Variants in CDH12 observed in about 807,000 individuals in gnomAD.
CDH12 encodes the protein cadherin-12.
Under a neutral mutation model 74.1 loss-of-function variants are expected in CDH12, and 41 were observed. That is an observed-to-expected ratio of 0.55 (90% confidence interval 0.43 to 0.72). The LOEUF (loss-of-function observed/expected upper bound fraction) is 0.72, where lower values mean the gene tolerates loss of function less well. Ranked by LOEUF, CDH12 falls within the 30% of genes least tolerant of loss-of-function variation. The pLI is 0.00. For synonymous variants in CDH12, 399 were observed against 355.0 expected (o/e 1.12, Z -1.39); for missense variants, 945 against 977.2 (o/e 0.97, Z 0.44).
At chr5:22,760,703 A>G (rs1286973112) in intron 1 of CDH12, among the ~76,000 whole-genome samples, 1 of 143,172 alleles carries the variant, frequency 7.0e-6, no homozygotes, top group Admixed American at 6.9e-5. Context: ...AAAAAAAACA[A>G]AAAAAAAAAG....
chr5:22,804,692 A>G (rs960565454), intron 1 of CDH12, among the ~76,000 whole-genome samples: 16 of 152,208 alleles, frequency 1.1e-4, no homozygotes, highest in Non-Finnish European at 1.5e-5. Flanking sequence ...AACTGATTGT[A>G]TATCTTAACC....
At chr5:21,922,024 A>G (rs1754376508) in intron 6 of CDH12, among the ~76,000 whole-genome samples, 1 of 152,134 alleles carries the variant, frequency 6.6e-6, no homozygotes, top group African/African-American at 2.4e-5. Flanking sequence ...TTCTTTTACC[A>G]TGGGGGTGTC....
intron 4 of CDH12, among the ~76,000 whole-genome samples, chr5:22,162,874 C>T (rs12519605): frequency 0.31 from 44,026 of 143,620 alleles, 6,967 homozygotes; most frequent in South Asian, 0.39. Context: ...TTTGTTGGTT[C>T]TTTCTCTTCC....
At chr5:21,986,664 T>C (rs568063325) in intron 5 of CDH12, among the ~76,000 whole-genome samples, 2 of 152,296 alleles carry the variant, frequency 1.3e-5, no homozygotes, top group South Asian at 4.1e-4. Context: ...GTAAATTTGA[T>C]GTATCATTTC....
intron 8 of CDH12, among the ~76,000 whole-genome samples, chr5:21,839,744 C>T (rs1392092031): frequency 6.6e-6 from 1 of 152,076 alleles, no homozygotes; most frequent in African/African-American, 2.4e-5. Flanking sequence ...AGAGAAAAAA[C>T]TGTGTTTTTT....
At chr5:21,785,686 G>A (rs923508753) in intron 10 of CDH12, among the ~76,000 whole-genome samples, 1 of 152,186 alleles carries the variant, frequency 6.6e-6, no homozygotes, top group African/African-American at 2.4e-5. Context: ...TATGAAGGTG[G>A]AGAGAAGTAA....
At chr5:22,851,026 AAGG>A (rs1471789375) in intron 1 of CDH12, among the ~76,000 whole-genome samples, 1 of 152,156 alleles carries the variant, frequency 6.6e-6, no homozygotes, top group Non-Finnish European at 1.5e-5. Context: ...TGCTCAATTT[AAGG>A]AGATCAGTTT....
At chr5:22,720,680 G>T (rs1743835021) in intron 1 of CDH12, among the ~76,000 whole-genome samples, 5 of 152,136 alleles carry the variant, frequency 3.3e-5, no homozygotes, top group African/African-American at 1.2e-4. Flanking sequence ...AAAGTTTGGA[G>T]CTTCCTAGAG....
chr5:22,018,324 A>C (rs1737737654), intron 5 of CDH12, among the ~76,000 whole-genome samples: 1 of 152,192 alleles, frequency 6.6e-6, no homozygotes, highest in South Asian at 2.1e-4. Flanking sequence ...TTAGTATTGT[A>C]TAATTTCAAA....
chr5:22,671,042 T>TAA (rs552032694), intron 1 of CDH12, among the ~76,000 whole-genome samples: 45 of 151,768 alleles, frequency 3.0e-4, no homozygotes, highest in African/African-American at 8.7e-4. Flanking sequence ...TATATATATA[T>TAA]AATGACAAAA....
intron 2 of CDH12, among the ~76,000 whole-genome samples, chr5:22,427,516 C>T (rs550547359): frequency 4.6e-5 from 7 of 152,250 alleles, no homozygotes; most frequent in South Asian, 4.1e-4. Flanking sequence ...AGAACTAAAA[C>T]GATTTAATAC....
At chr5:22,252,093 T>C (rs964341526) in intron 3 of CDH12, among the ~76,000 whole-genome samples, 1 of 152,058 alleles carries the variant, frequency 6.6e-6, no homozygotes, top group African/African-American at 2.4e-5. Flanking sequence ...TTTAAATAAG[T>C]TTATGCATAA....
intron 1 of CDH12, among the ~76,000 whole-genome samples, chr5:22,764,659 A>G (rs959886593): frequency 1.3e-5 from 2 of 152,048 alleles, no homozygotes; most frequent in African/African-American, 4.8e-5. Context: ...CAAAGTGAAC[A>G]TCATCATTCA....
chr5:22,071,270 G>A (rs1341507939), intron 5 of CDH12, among the ~76,000 whole-genome samples: 1 of 151,938 alleles, frequency 6.6e-6, no homozygotes, highest in Non-Finnish European at 1.5e-5. Flanking sequence ...AATAATATCT[G>A]TAGGATTAAA....
chr5:22,689,130 A>G (rs1220193498), intron 1 of CDH12, among the ~76,000 whole-genome samples: 1 of 152,186 alleles, frequency 6.6e-6, no homozygotes, highest in Non-Finnish European at 1.5e-5. Context: ...ATTCTAGTAT[A>G]TATGAAGAAT....
chr5:21,868,707 T>G (rs1751462076), intron 6 of CDH12, among the ~76,000 whole-genome samples: 1 of 152,218 alleles, frequency 6.6e-6, no homozygotes, highest in African/African-American at 2.4e-5. Flanking sequence ...AGCAGGTAAC[T>G]TGTAAATTCA....
At chr5:21,855,146 A>T (rs1008647656) in intron 6 of CDH12, among the ~76,000 whole-genome samples, 2 of 151,790 alleles carry the variant, frequency 1.3e-5, no homozygotes, top group Non-Finnish European at 1.5e-5. Flanking sequence ...TATGATTAGG[A>T]TATCAATAGA....
At chr5:22,118,780 C>T (rs1745322457) in intron 4 of CDH12, among the ~76,000 whole-genome samples, 1 of 152,108 alleles carries the variant, frequency 6.6e-6, no homozygotes, top group East Asian at 1.9e-4. Context: ...TCACCATTTT[C>T]TGCATCATAC....
chr5:22,782,201 C>A (rs1580994960), intron 1 of CDH12, among the ~76,000 whole-genome samples: 1 of 152,152 alleles, frequency 6.6e-6, no homozygotes, highest in African/African-American at 2.4e-5. Flanking sequence ...ACATGATTGG[C>A]TTTGAAATGT....
Sources: gnomAD v4.1 joint callset for allele counts (sites outside exome capture counted in the v4.1 genomes callset) on GRCh38, gnomAD v4.1.1 for gene constraint, MANE v1.5 for transcripts, NCBI Gene and HGNC (gene_info 2026-07-23, HGNC 2026-07-21) for gene names.